C7orf57: variants seen among roughly 807,000 people sequenced by gnomAD.
The protein encoded by C7orf57 is uncharacterized protein C7orf57.
In C7orf57, 33 loss-of-function variants were observed where a neutral mutation model predicts 39.0. That is an observed-to-expected ratio of 0.85 (90% CI 0.64 to 1.13). The LOEUF is 1.13. Ranked by LOEUF, C7orf57 falls within the 50% of genes most tolerant of loss-of-function variation. The probability of loss-of-function intolerance (pLI) is 0.00; values close to 1 mark genes in which losing one functional copy is unlikely to be tolerated. For synonymous variants in C7orf57, 124 were observed against 137.1 expected, an observed-to-expected ratio of 0.90 and a Z score of 0.67; for missense variants, 346 against 362.3, an observed-to-expected ratio of 0.95 and a Z score of 0.37.
chr7:48,036,182 C>T, intron 1 of C7orf57, 26 bp from the exon 2 acceptor site: 10 of 954,698 alleles, frequency 1.0e-5, no homozygotes, highest in Non-Finnish European at 1.5e-5. Flanking sequence ...CGACCCAGAG[C>T]GGGCGCGCGG....
At chr7:48,047,931 A>T (rs1790763771) in intron 5 of C7orf57, among the ~76,000 whole-genome samples, 1 of 152,178 alleles carries the variant, frequency 6.6e-6, no homozygotes, top group Non-Finnish European at 1.5e-5. Context: ...GACCAATTAC[A>T]CTGAGCTACA....
chr7:48,059,686 G>C (rs1210492365), intron 8 of C7orf57, among the ~76,000 whole-genome samples: 2 of 152,128 alleles, frequency 1.3e-5, no homozygotes, highest in African/African-American at 4.8e-5. Flanking sequence ...CCCTCCATGA[G>C]ACACAAGATT....
chr7:48,040,612 AGAGAGG>A (rs979141113), intron 2 of C7orf57, among the ~76,000 whole-genome samples: 13 of 152,134 alleles, frequency 8.5e-5, no homozygotes, highest in Non-Finnish European at 1.6e-4. Context: ...AGGGACAAGG[AGAGAGG>A]GAGAGGGAGA....
chr7:48,050,721 C>A (rs1790849893), intron 6 of C7orf57, among the ~76,000 whole-genome samples: 1 of 152,108 alleles, frequency 6.6e-6, no homozygotes, highest in Non-Finnish European at 1.5e-5. Context: ...GAAAATAAAG[C>A]ATTAGGAGTG....
intron 5 of C7orf57, among the ~76,000 whole-genome samples, chr7:48,047,260 G>GC (rs1252250000): frequency 6.6e-6 from 1 of 152,188 alleles, no homozygotes; most frequent in East Asian, 1.9e-4. Context: ...GCTCAGTGTT[G>GC]CCCGGGGCAT....
chr7:48,044,995 T>C (rs1299723870), intron 4 of C7orf57, among the ~76,000 whole-genome samples: 1 of 152,236 alleles, frequency 6.6e-6, no homozygotes, highest in African/African-American at 2.4e-5. Flanking sequence ...TTTTCTTCCC[T>C]TCCTTCTGCT....
intron 6 of C7orf57, among the ~76,000 whole-genome samples, chr7:48,051,294 G>T (rs1356357203): frequency 6.7e-6 from 1 of 149,002 alleles, no homozygotes; most frequent in African/African-American, 2.5e-5. Context: ...TGATTCTCCT[G>T]CCTCAGCCTC....
Position 48,044,467 on chromosome 7 carries a change from G to C in C7orf57, c.350+878G>C, listed in dbSNP as rs115198547. 4.8e-3 allele frequency among the ~76,000 whole-genome samples: 730 copies of C among 152,230 alleles called. 7 individuals carry two copies. The highest frequency in any genetic ancestry group is 0.017 in the African/African-American group (687 of 41,522). The stretch of plus-strand genomic sequence containing the variant: ...ATGATTGACTATTTCTTTACCTCCC[G>C]CTTTTAGCCTAATTGGTATTTTAGT... On this transcript the variant is annotated intron_variant, in intron 4 of 8. Transcript: ENST00000348904.
chr7:48,044,364 G>A (rs1260759408), intron 4 of C7orf57, among the ~76,000 whole-genome samples: 1 of 152,210 alleles, frequency 6.6e-6, no homozygotes, highest in African/African-American at 2.4e-5. Flanking sequence ...GGGACCCAAA[G>A]GGGTTTGCCA....
At chr7:48,051,743 CTTT>C (rs768839910) in intron 6 of C7orf57, among the ~76,000 whole-genome samples, 2 of 47,466 alleles carry the variant, frequency 4.2e-5, no homozygotes, top group African/African-American at 5.6e-5. Context: ...TCTTTTCTTT[CTTT>C]TTCTTTTCTT....
At chr7:48,053,214 C>A in intron 7 of C7orf57, 1 of 459,160 alleles carries the variant, frequency 2.2e-6, no homozygotes, top group South Asian at 2.0e-5. Flanking sequence ...AAATAATATA[C>A]CAAATAGTAT....
chr7:48,051,861 TTC>T (rs1790947129), intron 6 of C7orf57, among the ~76,000 whole-genome samples: 9 of 80,024 alleles, frequency 1.1e-4, no homozygotes, highest in African/African-American at 4.5e-4. Context: ...CTTTCTTTCT[TTC>T]TTTCTTTCTC....
intron 5 of C7orf57, among the ~76,000 whole-genome samples, chr7:48,047,684 TTTTTTG>T (rs1790755720): frequency 6.6e-6 from 1 of 152,156 alleles, no homozygotes; most frequent in Admixed American, 6.5e-5. Flanking sequence ...TTATTGTTGT[TTTTTTG>T]TTTTTGTTTT....
At chr7:48,039,591 A>G (rs188322537) in intron 2 of C7orf57, among the ~76,000 whole-genome samples, 2 of 152,298 alleles carry the variant, frequency 1.3e-5, no homozygotes, top group Non-Finnish European at 2.9e-5. Context: ...ACTTCACTCA[A>G]ATTCTACCGT....
rs1791280148 is a variant in C7orf57, at chr7:48,061,235, G to A, written c.*963G>A. 1 of 152,104 alleles carries A rather than the reference G, an allele frequency of 6.6e-6. No homozygotes were observed. The highest frequency in any genetic ancestry group is 1.5e-5 in the Non-Finnish European group (1 of 68,010). 9.4% of individuals were successfully genotyped at this position (152,104 alleles called of 1,614,324 possible). A position where few individuals can be genotyped will look rare whatever the true frequency, so the allele number is the denominator to read the frequency against. ...TCAAACTGATATGCTACAGGAGAAT[G>A]TATGCAATGTGTAAAAAATGCAAAT... On this transcript the variant is annotated 3_prime_UTR_variant, in exon 9 of 9. Transcript: ENST00000348904.
chr7:48,038,176 A>T (rs1450952639), intron 2 of C7orf57, among the ~76,000 whole-genome samples: 1 of 152,124 alleles, frequency 6.6e-6, no homozygotes, highest in African/African-American at 2.4e-5. Context: ...TGTCTTTTAC[A>T]TACTTAAAAG....
Position 48,051,790 on chromosome 7 carries a change from C to CT in C7orf57, c.606-907dup, listed in dbSNP as rs1191108158. ...TCTTTCTTTCTTTCTTTCTTTCTTT[C>CT]TTTCTTTCCTTCCTTCCTTTTCTCT... On this transcript the variant is annotated intron_variant, in intron 6 of 8. Coordinates refer to ENST00000348904, the MANE Select transcript of C7orf57 (RefSeq NM_001100159.3). 3.0e-5 allele frequency among the ~76,000 whole-genome samples: 2 copies of CT among 66,848 alleles called. 1 individual carries two copies. Among genetic ancestry groups the CT allele is most frequent in the African/African-American group, 1.1e-4 (2 of 17,582 alleles). 43.9% of individuals were successfully genotyped at this position (66,848 alleles called of 152,430 possible).
intron 8 of C7orf57, among the ~76,000 whole-genome samples, chr7:48,057,519 T>G (rs995189484): frequency 3.9e-5 from 6 of 152,140 alleles, no homozygotes; most frequent in African/African-American, 1.4e-4. Flanking sequence ...AGTTTTTTGG[T>G]GGAGTCTTTA....
chr7:48,060,126 T>A, intron 8 of C7orf57, 100 bp from the exon 9 acceptor site: 1 of 693,368 alleles, frequency 1.4e-6, no homozygotes, highest in South Asian at 2.5e-5. Flanking sequence ...TCCTTATTAA[T>A]AGGTACAAAA....
Sources: allele counts gnomAD v4.1 joint callset (sites outside exome capture counted in the v4.1 genomes callset), GRCh38; gene constraint gnomAD v4.1.1; transcripts MANE v1.5; gene names NCBI Gene and HGNC (gene_info 2026-07-23, HGNC 2026-07-21).